Variants in ZFYVE28 observed in about 807,000 individuals in gnomAD.
ZFYVE28 encodes the protein zinc finger FYVE-type containing 28.
In ZFYVE28, 40 loss-of-function variants were observed where a neutral mutation model predicts 82.1. That is an observed-to-expected ratio of 0.49 (90% CI 0.38 to 0.63). The LOEUF (loss-of-function observed/expected upper bound fraction) is 0.63. ZFYVE28 is among the 30% of genes least tolerant of loss of function. The pLI is 0.00. For missense variants in ZFYVE28, 1,321 were observed against 1,242.1 expected (o/e 1.06, Z -0.96); for synonymous variants, 612 against 546.1 (o/e 1.12, Z -1.68).
chr4:2,304,494 G>T lies in ZFYVE28; in HGVS notation c.1846C>A (p.Pro616Thr), dbSNP rs147581424. Reference sequence around the variant, plus strand: ...CGCCCGTTGGAGGCATCTTCTGAGGGTGGGGGCGCCTCCTCCTGTCTCTCA... The same window carrying T: ...CGCCCGTTGGAGGCATCTTCTGAGGTTGGGGGCGCCTCCTCCTGTCTCTCA... ...APERQEEAPP[P>T]SEDASNGREP... The change falls in exon 8 of 13, where the codon CCC becomes ACC. Residue 616 changes from proline (P) to threonine (T), a missense_variant. Around this residue, in one of 2 missense-constraint regions of ZFYVE28, gnomAD observed 978 missense variants for 833.7 expected, o/e 1.17. Transcript: ENST00000290974. 4.2e-4 allele frequency: 675 copies of T among 1,612,926 alleles called. 7 individuals are homozygous for T. In the African/African-American group the frequency reaches 8.4e-3, roughly 20 times the overall value.
chr4:2,398,511 G>C lies in ZFYVE28; in HGVS notation c.39+19774C>G, dbSNP rs184624932. On this transcript the variant is annotated intron_variant, in intron 1 of 12. Transcript: ENST00000290974. The stretch of plus-strand genomic sequence containing the variant: ...CACAGACTGGGAGAGACCAGTACAA[G>C]AGAGGAGCACTGCAGGAAGCTCTTG... 5.3e-5 allele frequency among the ~76,000 whole-genome samples: 8 copies of C among 152,354 alleles called. No individual in the cohort carries two copies. In the East Asian group the frequency reaches 1.5e-3, roughly 29 times the overall value.
intron 8 of ZFYVE28, among the ~76,000 whole-genome samples, chr4:2,296,501 A>G (rs1366135701): frequency 2.6e-5 from 4 of 152,026 alleles, no homozygotes; most frequent in Non-Finnish European, 2.9e-5. Flanking sequence ...GAGTCTAATT[A>G]ATTCCAAGTC....
At chr4:2,387,335 AG>A (rs1729382475) in intron 1 of ZFYVE28, among the ~76,000 whole-genome samples, 1 of 152,216 alleles carries the variant, frequency 6.6e-6, no homozygotes, top group Non-Finnish European at 1.5e-5. Context: ...CACGGCCGGA[AG>A]TGACGCAACT....
intron 8 of ZFYVE28, among the ~76,000 whole-genome samples, chr4:2,292,046 C>T (rs1713796641): frequency 6.6e-6 from 1 of 152,216 alleles, no homozygotes; most frequent in African/African-American, 2.4e-5. Context: ...CTAGAGCCAG[C>T]ACGTCCCCCA....
At chr4:2,336,759 G>C in intron 5 of ZFYVE28, among the ~76,000 whole-genome samples, 1 of 150,628 alleles carries the variant, frequency 6.6e-6, no homozygotes, top group Non-Finnish European at 1.5e-5. Flanking sequence ...GGAATGATGA[G>C]GTGAGGAGTG....
chr4:2,376,354 T>C (rs1473882995), intron 1 of ZFYVE28, among the ~76,000 whole-genome samples: 6 of 109,528 alleles, frequency 5.5e-5, no homozygotes, highest in East Asian at 5.3e-4. Flanking sequence ...CTGGGCAACA[T>C]AGTGAGACCC....
At chr4:2,364,533 G>A (rs1001611776) in intron 1 of ZFYVE28, 3 of 985,522 alleles carry the variant, frequency 3.0e-6, no homozygotes, top group Non-Finnish European at 3.6e-6. Flanking sequence ...CAGCCCAGAC[G>A]CAACAGGAGC....
chr4:2,383,791 T>C (rs910280402), intron 1 of ZFYVE28, among the ~76,000 whole-genome samples: 2 of 152,178 alleles, frequency 1.3e-5, no homozygotes, highest in Non-Finnish European at 2.9e-5. Context: ...AATATTCTAT[T>C]CCTAAGAGAC....
chr4:2,330,813 A>G (rs1664980270), intron 6 of ZFYVE28: 5 of 1,533,250 alleles, frequency 3.3e-6, no homozygotes, highest in Non-Finnish European at 8.7e-7. Flanking sequence ...AGGGGACAGC[A>G]TGGTGGAGAC....
intron 1 of ZFYVE28, among the ~76,000 whole-genome samples, chr4:2,379,165 G>A (rs578141129): frequency 5.9e-5 from 9 of 152,326 alleles, no homozygotes; most frequent in South Asian, 2.1e-4. Flanking sequence ...AGCAGAACCC[G>A]TGCCAGAGAG....
chr4:2,402,634 G>A (rs752451403), intron 1 of ZFYVE28, among the ~76,000 whole-genome samples: 6 of 152,184 alleles, frequency 3.9e-5, no homozygotes, highest in South Asian at 4.1e-4. Flanking sequence ...CAGGGAACGC[G>A]GTAGACAGTC....
intron 1 of ZFYVE28, among the ~76,000 whole-genome samples, chr4:2,393,639 C>T (rs1382311688): frequency 1.3e-5 from 2 of 152,224 alleles, no homozygotes; most frequent in South Asian, 2.1e-4. Flanking sequence ...ATAAAAAGGA[C>T]ATCATGCATA....
At chr4:2,336,817 TGGATTGAGGAGGTGA>T (rs1444092485) in intron 5 of ZFYVE28, among the ~76,000 whole-genome samples, 10 of 38,030 alleles carry the variant, frequency 2.6e-4, no homozygotes, top group African/African-American at 9.0e-4. Flanking sequence ...TGAGGAGGTG[TGGATTGAGGAGGTGA>T]GGAGTGAGGA....
Position 2,404,292 on chromosome 4 carries a change from G to A in ZFYVE28, c.39+13993C>T, listed in dbSNP as rs376430469. ...AGCCAAGATCGCGCCACTGCAGGAC[G>A]GAGCGAGACTCCGCCTCAAAAAAAA... On this transcript the variant is annotated intron_variant, in intron 1 of 12. Transcript: ENST00000290974. Among the ~76,000 whole-genome samples the A allele has an allele frequency of 5.2e-4, 32 of 61,570 alleles. 1 individual carries two copies. Among genetic ancestry groups the A allele is most frequent in the South Asian group, 2.1e-3 (4 of 1,882 alleles). 40.4% of individuals were successfully genotyped at this position (61,570 alleles called of 152,430 possible).
chr4:2,271,910 A>G (rs1735947693), intron 10 of ZFYVE28, 131 bp from the exon 11 acceptor site: 1 of 781,422 alleles, frequency 1.3e-6, no homozygotes, highest in South Asian at 1.6e-5. Flanking sequence ...TGGCAGTCTC[A>G]TGGCAGGTGG....
At chr4:2,305,633 A>G (rs1716453642) in intron 7 of ZFYVE28, 97 bp from the exon 8 acceptor site, 1 of 1,427,050 alleles carries the variant, frequency 7.0e-7, no homozygotes, top group Non-Finnish European at 9.6e-7. Context: ...CTGCACCAGC[A>G]GAACAACAGC....
chr4:2,365,207 C>T (rs925201432), intron 1 of ZFYVE28, among the ~76,000 whole-genome samples: 27 of 151,862 alleles, frequency 1.8e-4, no homozygotes, highest in Admixed American at 7.2e-4. Flanking sequence ...CTCCACATCT[C>T]CCCGGGTGGG....
intron 1 of ZFYVE28, among the ~76,000 whole-genome samples, chr4:2,376,433 C>G (rs937727245): frequency 2.7e-5 from 4 of 147,832 alleles, no homozygotes; most frequent in Non-Finnish European, 6.0e-5. Context: ...AGTCCATTCT[C>G]ACACTGTTAT....
chr4:2,356,644 C>T (rs560276596), intron 1 of ZFYVE28, among the ~76,000 whole-genome samples: 7 of 152,310 alleles, frequency 4.6e-5, no homozygotes, highest in South Asian at 4.1e-4. Context: ...AGTCGCCCAG[C>T]GACCCCTCCG....
Sources: gnomAD v4.1 joint callset for allele counts (sites outside exome capture counted in the v4.1 genomes callset) on GRCh38, gnomAD v4.1.1 for gene constraint, gnomAD v4.1.1 regional missense constraint, MANE v1.5 for transcripts, NCBI Gene and HGNC (gene_info 2026-07-23, HGNC 2026-07-21) for gene names.